IL16: variants seen among roughly 807,000 people sequenced by gnomAD.
The protein encoded by IL16 is pro-interleukin-16.
In IL16, 67 loss-of-function variants were observed where a neutral mutation model predicts 110.1. The ratio of observed to expected loss-of-function variants is 0.61; its 90% CI spans 0.50 to 0.75. IL16 has a LOEUF of 0.75. IL16 is among the 30% of genes least tolerant of loss of function. The pLI is 0.00. For missense variants in IL16, 1,545 were observed against 1,655.0 expected, an observed-to-expected ratio of 0.93 and a Z score of 1.15; for synonymous variants, 689 against 662.9, an observed-to-expected ratio of 1.04 and a Z score of -0.61.
At chr15:81,205,033 G>A (rs1042858555) in intron 1 of IL16, among the ~76,000 whole-genome samples, 11 of 152,252 alleles carry the variant, frequency 7.2e-5, no homozygotes, top group African/African-American at 2.4e-4. Context: ...TAGACCGGGC[G>A]CAGTGGCTCA....
At chr15:81,257,168 AC>A (rs1897977058) in intron 2 of IL16, among the ~76,000 whole-genome samples, 1 of 152,166 alleles carries the variant, frequency 6.6e-6, no homozygotes, top group Non-Finnish European at 1.5e-5. Context: ...TTAATATAGC[AC>A]CATCTGCTGC....
intron 1 of IL16, among the ~76,000 whole-genome samples, chr15:81,224,172 G>A (rs560869549): frequency 1.3e-5 from 2 of 152,328 alleles, no homozygotes; most frequent in African/African-American, 4.8e-5. Context: ...TTTTTAGGCA[G>A]AAATTCTCCT....
intron 1 of IL16, among the ~76,000 whole-genome samples, chr15:81,221,137 T>C (rs66540250): frequency 0.085 from 12,919 of 152,006 alleles, 555 homozygotes; most frequent in Middle Eastern, 0.1. Flanking sequence ...ATACACTAGC[T>C]CTGTTGGGGA....
Position 81,303,781 on chromosome 15 carries a change from C to G in IL16, c.3420+131C>G, listed in dbSNP as rs1188963066. The stretch of plus-strand genomic sequence containing the variant: ...ATGACACTAGGCCACTGGGCAGGTC[C>G]TGTCCACTCAGCACATCCCAGAGCC... On this transcript the variant is annotated intron_variant, in intron 16 of 18. Transcript: ENST00000683961. This position sits in a 1 kb window ranked among gnomAD's most constrained non-coding sequence, Gnocchi z 4.1. 3.0e-6 allele frequency: 2 copies of G among 669,966 alleles called. No homozygotes were observed. Among genetic ancestry groups the G allele is most frequent in the African/African-American group, 3.5e-5 (2 of 56,666 alleles). The allele number at this position is 669,966 out of a possible 1,614,324, so 41.5% of individuals were successfully genotyped here.
In IL16 at chr15:81,313,172, C is replaced by G; in HGVS notation, c.*4374C>G. On this transcript the variant is annotated 3_prime_UTR_variant, in exon 19 of 19. Transcript: ENST00000683961. ...TCCAAAGAGTGAACACAGGCCTCTGCGTGCTCCCAGGCTCCTTGGTGTCCC... is the reference window on the plus strand; with the variant it reads ...TCCAAAGAGTGAACACAGGCCTCTGGGTGCTCCCAGGCTCCTTGGTGTCCC... 2 of 1,420,264 alleles carry G rather than the reference C, an allele frequency of 1.4e-6. No homozygotes were observed. The highest frequency in any genetic ancestry group is 3.2e-5 in the South Asian group (2 of 63,002). 88.0% of individuals were successfully genotyped at this position (1,420,264 alleles called of 1,614,324 possible). A position where few individuals can be genotyped will look rare whatever the true frequency, so the allele number is the denominator to read the frequency against.
intron 1 of IL16, among the ~76,000 whole-genome samples, chr15:81,187,228 T>C (rs1895432446): frequency 6.6e-6 from 1 of 152,208 alleles, no homozygotes; most frequent in African/African-American, 2.4e-5. Flanking sequence ...AATGTATGTA[T>C]CTTAAGTGCA....
At chr15:81,202,225 C>T (rs1895843491) in intron 1 of IL16, among the ~76,000 whole-genome samples, 1 of 152,178 alleles carries the variant, frequency 6.6e-6, no homozygotes, top group South Asian at 2.1e-4. Flanking sequence ...AGACTCTGCC[C>T]TCAGGGAGCT....
At chr15:81,227,457 C>A (rs773564695) in intron 2 of IL16, among the ~76,000 whole-genome samples, 14 of 152,132 alleles carry the variant, frequency 9.2e-5, no homozygotes, top group Non-Finnish European at 1.5e-4. Flanking sequence ...TGGGGAAGGG[C>A]ATTGCAGGCA....
At chr15:81,238,473 T>C (rs1299233914) in intron 2 of IL16, among the ~76,000 whole-genome samples, 1 of 152,206 alleles carries the variant, frequency 6.6e-6, no homozygotes, top group Non-Finnish European at 1.5e-5. Context: ...CATAACTTGT[T>C]ATGCAGCCTA....
At chr15:81,308,221 C>T (rs931319414) in intron 18 of IL16, among the ~76,000 whole-genome samples, 2 of 152,164 alleles carry the variant, frequency 1.3e-5, no homozygotes, top group African/African-American at 2.4e-5. Context: ...TCACCACATG[C>T]GGAGAACAAA....
chr15:81,269,150 A>T (rs903696282), intron 4 of IL16, among the ~76,000 whole-genome samples: 1 of 152,198 alleles, frequency 6.6e-6, no homozygotes, highest in African/African-American at 2.4e-5. Flanking sequence ...TTCTCAGTAA[A>T]TGTGTCTTGG....
chr15:81,197,879 C>T (rs1353961405), intron 1 of IL16, among the ~76,000 whole-genome samples: 1 of 152,038 alleles, frequency 6.6e-6, no homozygotes. Context: ...TCAGGCTGAG[C>T]CATACAAAGA....
chr15:81,282,365 T>C (rs1241717221), intron 8 of IL16, among the ~76,000 whole-genome samples: 1 of 152,246 alleles, frequency 6.6e-6, no homozygotes, highest in Non-Finnish European at 1.5e-5. Context: ...CACTCTTAGA[T>C]ACTGTCCTCT....
intron 1 of IL16, among the ~76,000 whole-genome samples, chr15:81,206,820 G>A (rs1896033472): frequency 6.6e-6 from 1 of 151,968 alleles, no homozygotes; most frequent in Non-Finnish European, 1.5e-5. Context: ...ACAATTCCTG[G>A]GTTGGGGCCA....
chr15:81,273,197 A>G lies in IL16; in HGVS notation c.783A>G (p.Leu261=). 1 of 1,609,586 alleles carries G rather than the reference A, an allele frequency of 6.2e-7. No homozygotes were observed. Among genetic ancestry groups the G allele is most frequent in the Non-Finnish European group, 8.5e-7 (1 of 1,177,220 alleles). ...GAGCAGCAGCAGCCGATGGAAGGCT[A>G]CAGGAAGGTAGGCTTCCCAGCCCTT... ...AGGAAAADGR[L]QEGDEILELN... Residue 261 remains leucine, a synonymous_variant, in exon 6 of 19, where the codon CTA becomes CTG. Transcript: ENST00000683961.
At chr15:81,268,552 G>A (rs1898494226) in intron 4 of IL16, among the ~76,000 whole-genome samples, 1 of 152,280 alleles carries the variant, frequency 6.6e-6, no homozygotes, top group South Asian at 2.1e-4. Context: ...CTGGGAGTCA[G>A]CAGCCCGGGA....
intron 1 of IL16, among the ~76,000 whole-genome samples, chr15:81,223,714 T>G (rs533670371): frequency 7.9e-5 from 12 of 152,356 alleles, no homozygotes; most frequent in Admixed American, 7.8e-4. Flanking sequence ...GTTGGAAATG[T>G]GTTATCAAGC....
chr15:81,243,164 T>TATATATATACATATATATATATATATA (rs60077602), intron 2 of IL16, among the ~76,000 whole-genome samples: 1 of 15,774 alleles, frequency 6.3e-5, no homozygotes, highest in East Asian at 1.3e-3. Context: ...TATATATATA[T>TATATATATACATATATATATATATATA]TTTTTTTTTT....
chr15:81,304,390 G>A (rs1297527566), intron 16 of IL16, among the ~76,000 whole-genome samples: 2 of 152,214 alleles, frequency 1.3e-5, no homozygotes, highest in South Asian at 2.1e-4. Flanking sequence ...CTGTCCATGA[G>A]TAGCAACTTC....
Sources: gnomAD v4.1 joint callset for allele counts (sites outside exome capture counted in the v4.1 genomes callset) on GRCh38, gnomAD v4.1.1 for gene constraint, Gnocchi (gnomAD v3.1) non-coding constraint, MANE v1.5 for transcripts, NCBI Gene and HGNC (gene_info 2026-07-23, HGNC 2026-07-21) for gene names.